Variants in DHRS9 observed in about 807,000 individuals in gnomAD.
The protein encoded by DHRS9 is dehydrogenase/reductase SDR family member 9.
DHRS9 carries 18 observed loss-of-function variants against 26.6 expected under a neutral mutation model. That is an observed-to-expected ratio of 0.68 (90% confidence interval 0.47 to 1.00). The LOEUF (loss-of-function observed/expected upper bound fraction) is 1.00, where lower values mean the gene tolerates loss of function less well. Among genes scored for constraint, DHRS9 ranks in the 50% least tolerant of loss-of-function variants. DHRS9 has a pLI of 0.00. For synonymous variants in DHRS9, 134 were observed against 141.1 expected (o/e 0.95, Z 0.36); for missense variants, 425 against 378.7 (o/e 1.12, Z -1.01).
In DHRS9 at chr2:169,096,043, G is replaced by A. The variant is rs1684688530; in HGVS notation, c.*276G>A. 8.9e-6 allele frequency: 4 copies of A among 450,758 alleles called. No individual in the cohort carries two copies. In the East Asian group the frequency reaches 1.6e-4, roughly 18 times the overall value. The allele number at this position is 450,758 out of a possible 1,614,324, so 27.9% of individuals were successfully genotyped here. ...TGGTGTGATGTAAGGGAAATTGAAA[G>A]ACTTGCCCATTCAAAATGATCTTTA... is the stretch of plus-strand genomic sequence containing the variant. On this transcript the variant is annotated 3_prime_UTR_variant, in exon 5 of 5. Transcript: ENST00000674881.
intron 1 of DHRS9, chr2:169,081,052 T>G: frequency 1.3e-6 from 1 of 798,614 alleles, no homozygotes; most frequent in African/African-American, 1.9e-5. Flanking sequence ...TCCTGACAGT[T>G]TGAAGATAAT....
intron 3 of DHRS9, among the ~76,000 whole-genome samples, chr2:169,090,126 G>C (rs541905640): frequency 6.6e-6 from 1 of 152,324 alleles, no homozygotes; most frequent in South Asian, 2.1e-4. Flanking sequence ...ATTTTAAATG[G>C]TGTTATGTAG....
chr2:169,090,535 A>G (rs1238743233), intron 3 of DHRS9, among the ~76,000 whole-genome samples: 1 of 152,260 alleles, frequency 6.6e-6, no homozygotes, highest in Non-Finnish European at 1.5e-5. Context: ...TTCAAACTTT[A>G]CAATAATAAC....
At chr2:169,080,834 G>A (rs1363860443) in intron 1 of DHRS9, among the ~76,000 whole-genome samples, 1 of 152,094 alleles carries the variant, frequency 6.6e-6, no homozygotes, top group Non-Finnish European at 1.5e-5. Flanking sequence ...GGGACATGGT[G>A]CATTGGCCAG....
rs1553478929 is a variant in DHRS9, at chr2:169,078,840, T to TTTTTTTTTTTTTG, written c.-59-2682_-59-2681insTTTTTTTTTTTGT. ...CTTTTTTTTTTTTTTTTTTTTTTTT[T>TTTTTTTTTTTTTG]TGTGACAGAGTCTTGCACTGTCGCC... On this transcript the variant is annotated intron_variant, in intron 1 of 4. Coordinates refer to ENST00000674881, the MANE Select transcript of DHRS9 (RefSeq NM_001376924.1). 4.0e-4 allele frequency among the ~76,000 whole-genome samples: 55 copies of TTTTTTTTTTTTTG among 137,342 alleles called. 2 individuals carry two copies. Among genetic ancestry groups the TTTTTTTTTTTTTG allele is most frequent in the African/African-American group, 1.6e-3 (53 of 33,808 alleles). 90.1% of individuals were successfully genotyped at this position (137,342 alleles called of 152,430 possible).
chr2:169,078,099 T>C (rs775764419), intron 1 of DHRS9, among the ~76,000 whole-genome samples: 3 of 152,140 alleles, frequency 2.0e-5, no homozygotes, highest in Admixed American at 6.5e-5. Context: ...TCTCCTATAG[T>C]GGAAGGACAC....
chr2:169,090,985 A>G (rs1229844458), intron 3 of DHRS9, among the ~76,000 whole-genome samples: 1 of 152,164 alleles, frequency 6.6e-6, no homozygotes, highest in African/African-American at 2.4e-5. Flanking sequence ...TTGTGGGCCA[A>G]TGTAAGTGTC....
intron 3 of DHRS9, among the ~76,000 whole-genome samples, chr2:169,091,505 T>A (rs1243027252): frequency 6.6e-6 from 1 of 152,158 alleles, no homozygotes; most frequent in Non-Finnish European, 1.5e-5. Context: ...GTCCACTTAG[T>A]CAATGATGAG....
At position 169,078,830 on chromosome 2, in the gene DHRS9, T is replaced by C. The variant is rs914946515; in HGVS notation, c.-59-2693T>C. 3.8e-4 allele frequency among the ~76,000 whole-genome samples: 55 copies of C among 145,156 alleles called. 1 individual carries two copies. Among genetic ancestry groups the C allele is most frequent in the African/African-American group, 1.1e-3 (41 of 38,264 alleles). Reference sequence around the variant, plus strand: ...TATCAACTGACTTTTTTTTTTTTTTTTTTTTTTTTTTGTGACAGAGTCTTG... The same window carrying C: ...TATCAACTGACTTTTTTTTTTTTTTCTTTTTTTTTTTGTGACAGAGTCTTG... On this transcript the variant is annotated intron_variant, in intron 1 of 4. Coordinates refer to ENST00000674881, the MANE Select transcript of DHRS9 (RefSeq NM_001376924.1).
At chr2:169,085,758 G>A (rs1574032304) in intron 3 of DHRS9, among the ~76,000 whole-genome samples, 2 of 152,212 alleles carry the variant, frequency 1.3e-5, no homozygotes, top group East Asian at 3.9e-4. Context: ...TGTTCTAATA[G>A]TTTTTATGTG....
chr2:169,076,097 C>T (rs1004326298), intron 1 of DHRS9, among the ~76,000 whole-genome samples: 3 of 152,032 alleles, frequency 2.0e-5, no homozygotes, highest in South Asian at 2.1e-4. Flanking sequence ...TTCCATCATT[C>T]GTCTGACACT....
chr2:169,072,275 C>T (rs1188023015), intron 1 of DHRS9, among the ~76,000 whole-genome samples: 1 of 152,088 alleles, frequency 6.6e-6, no homozygotes, highest in Non-Finnish European at 1.5e-5. Context: ...CAACTTGGGC[C>T]ACAATTGCAA....
At position 169,070,758 on chromosome 2, in the gene DHRS9, G is replaced by T. The variant is rs866785226; in HGVS notation, c.-60+1041G>T. On this transcript the variant is annotated intron_variant, in intron 1 of 4. Coordinates refer to ENST00000674881, the MANE Select transcript of DHRS9 (RefSeq NM_001376924.1). Reference sequence around the variant, plus strand: ...TTATAACAAATGTCACTGTCTTAAGGGACAGTGTTTAAAAACGCATACCTG... The same window carrying T: ...TTATAACAAATGTCACTGTCTTAAGTGACAGTGTTTAAAAACGCATACCTG... 7.1e-6 allele frequency: 7 copies of T among 985,228 alleles called. No homozygotes were observed. The African/African-American group carries it at 1.2e-4, about 17-fold the overall frequency. The allele number at this position is 985,228 out of a possible 1,614,324, so 61.0% of individuals were successfully genotyped here. A position where few individuals can be genotyped will look rare whatever the true frequency, so the allele number is the denominator to read the frequency against.
At chr2:169,073,110 C>T (rs1472001819) in intron 1 of DHRS9, among the ~76,000 whole-genome samples, 1 of 152,114 alleles carries the variant, frequency 6.6e-6, no homozygotes, top group Non-Finnish European at 1.5e-5. Context: ...TCTTTCCTTC[C>T]TTTTTTCCTT....
chr2:169,092,384 GGT>G (rs1168238313), intron 4 of DHRS9, among the ~76,000 whole-genome samples: 1 of 152,116 alleles, frequency 6.6e-6, no homozygotes, highest in Non-Finnish European at 1.5e-5. Flanking sequence ...GATTTATGGT[GGT>G]TACAAAAGAT....
intron 1 of DHRS9, among the ~76,000 whole-genome samples, chr2:169,074,717 G>A (rs962136674): frequency 1.3e-5 from 2 of 149,364 alleles, no homozygotes; most frequent in African/African-American, 5.0e-5. Flanking sequence ...AGATATGTGT[G>A]TGTTTGTGGT....
intron 1 of DHRS9, chr2:169,081,133 A>T (rs1237644758): frequency 2.0e-6 from 2 of 999,154 alleles, no homozygotes; most frequent in East Asian, 2.1e-4. Flanking sequence ...CTGCAGTGGA[A>T]TTTCATGAAC....
chr2:169,075,259 A>C (rs534780697), intron 1 of DHRS9, among the ~76,000 whole-genome samples: 330 of 152,340 alleles, frequency 2.2e-3, no homozygotes, highest in Non-Finnish European at 3.9e-3. Context: ...AGAATTATTG[A>C]AAAATTTAGA....
At chr2:169,091,267 A>G (rs2105302359) in intron 3 of DHRS9, among the ~76,000 whole-genome samples, 1 of 146,882 alleles carries the variant, frequency 6.8e-6, no homozygotes, top group African/African-American at 2.5e-5. Flanking sequence ...AAAATAAAAT[A>G]AAATAAAATA....
Sources: gnomAD v4.1 joint callset for allele counts (sites outside exome capture counted in the v4.1 genomes callset) on GRCh38, gnomAD v4.1.1 for gene constraint, MANE v1.5 for transcripts, NCBI Gene and HGNC (gene_info 2026-07-23, HGNC 2026-07-21) for gene names.